The following ESF1 variants were observed in gnomAD, a reference collection of about 807,000 sequenced individuals.
ESF1 encodes ESF1 nucleolar pre-rRNA processing protein.
In ESF1, 58 loss-of-function variants were observed where a neutral mutation model predicts 92.0. The ratio of observed to expected loss-of-function variants is 0.63; its 90% CI spans 0.51 to 0.78. The LOEUF is 0.78. Among genes scored for constraint, ESF1 ranks in the 30% least tolerant of loss-of-function variants. The pLI is 0.00. For missense variants in ESF1, 922 were observed against 989.1 expected (o/e 0.93, Z 0.91); for synonymous variants, 321 against 313.7 (o/e 1.02, Z -0.24).
chr20:13,752,529 T>A lies in ESF1; in HGVS notation c.1828+7163A>T, dbSNP rs868813977. Among the ~76,000 whole-genome samples the A allele has an allele frequency of 2.0e-5, 3 of 152,342 alleles. No homozygotes were observed. In the South Asian group the frequency reaches 6.2e-4, roughly 32 times the overall value. Reference sequence around the variant, plus strand: ...GAATATATTTCAAATAATGAGCACATTGGCAATAAATGAAAATGGAGCCAA... The same window carrying A: ...GAATATATTTCAAATAATGAGCACAATGGCAATAAATGAAAATGGAGCCAA... On this transcript the variant is annotated intron_variant, in intron 9 of 13. Transcript: ENST00000617257.
At chr20:13,746,897 A>G (rs1057215789) in intron 9 of ESF1, among the ~76,000 whole-genome samples, 1 of 152,222 alleles carries the variant, frequency 6.6e-6, no homozygotes, top group African/African-American at 2.4e-5. Flanking sequence ...ATATAAGTTA[A>G]CCATAATTCC....
intron 8 of ESF1, among the ~76,000 whole-genome samples, chr20:13,763,101 T>A (rs1392606884): frequency 6.6e-6 from 1 of 152,186 alleles, no homozygotes; most frequent in Non-Finnish European, 1.5e-5. Context: ...GACCTCATGA[T>A]CTGCCTGCCT....
chr20:13,731,274 A>G (rs547506837), intron 10 of ESF1, among the ~76,000 whole-genome samples: 18 of 152,152 alleles, frequency 1.2e-4, no homozygotes. Flanking sequence ...CATTTATAAG[A>G]TATTTTACTC....
chr20:13,749,726 T>C (rs1018735894), intron 9 of ESF1, among the ~76,000 whole-genome samples: 1 of 151,754 alleles, frequency 6.6e-6, no homozygotes, highest in African/African-American at 2.4e-5. Flanking sequence ...CCACCATGCC[T>C]GGCTAATTTT....
intron 11 of ESF1, among the ~76,000 whole-genome samples, chr20:13,725,070 T>C (rs1290273386): frequency 2.6e-5 from 4 of 152,162 alleles, no homozygotes; most frequent in Non-Finnish European, 5.9e-5. Flanking sequence ...TCCTTAAAAT[T>C]GACAATTAAT....
intron 8 of ESF1, among the ~76,000 whole-genome samples, chr20:13,761,395 A>T (rs1160789130): frequency 6.8e-6 from 1 of 146,938 alleles, no homozygotes; most frequent in Non-Finnish European, 1.5e-5. Flanking sequence ...AAATAAATAA[A>T]ATAAAAATAC....
intron 11 of ESF1, among the ~76,000 whole-genome samples, chr20:13,724,782 G>A (rs186319680): frequency 6.6e-6 from 1 of 152,270 alleles, no homozygotes; most frequent in Admixed American, 6.5e-5. Context: ...AAAGTCATAT[G>A]GGAGGACTGG....
chr20:13,761,196 A>G (rs988084320), intron 8 of ESF1, among the ~76,000 whole-genome samples: 6 of 152,104 alleles, frequency 3.9e-5, no homozygotes, highest in African/African-American at 1.2e-4. Flanking sequence ...GCTCATTAAG[A>G]GTCATCACCA....
chr20:13,762,229 T>TA (rs1186556727), intron 8 of ESF1, among the ~76,000 whole-genome samples: 1 of 152,174 alleles, frequency 6.6e-6, no homozygotes, highest in Non-Finnish European at 1.5e-5. Context: ...TTAAAATAAA[T>TA]AAAAAATGGT....
At position 13,748,519 on chromosome 20, in the gene ESF1, CAT is replaced by C. The variant is rs201176775; in HGVS notation, c.1828+11171_1828+11172del. Among the ~76,000 whole-genome samples the C allele has an allele frequency of 4.4e-3, 596 of 134,504 alleles. 9 individuals are homozygous for C. Among genetic ancestry groups the C allele is most frequent in the African/African-American group, 0.015 (518 of 35,448 alleles). The allele number at this position is 134,504 out of a possible 152,430, so 88.2% of individuals were successfully genotyped here. A position where few individuals can be genotyped will look rare whatever the true frequency, so the allele number is the denominator to read the frequency against. On this transcript the variant is annotated intron_variant, in intron 9 of 13. Coordinates refer to ENST00000617257, the MANE Select transcript of ESF1 (RefSeq NM_001276380.2). ...ATACATATATACACATATATATACA[CAT>C]ATATATATACACATATATATGTGTG...
chr20:13,717,107 A>G (rs6105153), intron 13 of ESF1, among the ~76,000 whole-genome samples: 1,800 of 151,766 alleles, frequency 0.012, 20 homozygotes, highest in South Asian at 0.024. Flanking sequence ...ATGAGCCACC[A>G]CGCCCAGCCA....
At chr20:13,761,505 T>A (rs964822011) in intron 8 of ESF1, among the ~76,000 whole-genome samples, 20 of 152,184 alleles carry the variant, frequency 1.3e-4, no homozygotes, top group African/African-American at 4.8e-4. Context: ...TGAATAAATG[T>A]AGGCTGAATA....
chr20:13,740,390 T>C (rs1484631262), intron 9 of ESF1, among the ~76,000 whole-genome samples: 1 of 151,152 alleles, frequency 6.6e-6, no homozygotes, highest in Non-Finnish European at 1.5e-5. Context: ...AGGATAAGAC[T>C]AGAAAAAAAA....
Position 13,771,320 on chromosome 20 carries a change from C to T in ESF1, c.1403+11G>A, listed in dbSNP as rs1416887375. ...TAAAAGATTAAATTGGTAATACATA[C>T]ACTGGATTACCTTAGATCTATGAAA... On this transcript the variant is annotated intron_variant, in intron 6 of 13. Transcript: ENST00000617257. The T allele has an allele frequency of 6.2e-7, 1 of 1,604,494 alleles. No homozygotes were observed. Among genetic ancestry groups the T allele is most frequent in the African/African-American group, 1.3e-5 (1 of 74,758 alleles).
At position 13,717,428 on chromosome 20, in the gene ESF1, C is replaced by T. The variant is rs750415607; in HGVS notation, c.2202G>A (p.Leu734=). 1.2e-6 allele frequency: 2 copies of T among 1,614,080 alleles called. No homozygotes were observed. Among genetic ancestry groups the T allele is most frequent in the Non-Finnish European group, 1.7e-6 (2 of 1,180,008 alleles). ...NYNKIVEHQN[L]SKKKKKQLMK... Reference sequence around the variant, plus strand: ...TGAGCTGCTTTTTCTTCTTTTTGCTCAGATTCTGGTGCTCCACAATCTTGT... The same window carrying T: ...TGAGCTGCTTTTTCTTCTTTTTGCTTAGATTCTGGTGCTCCACAATCTTGT... Residue 734 remains leucine, a synonymous_variant, in exon 13 of 14, where the codon CTG becomes CTA. Coordinates refer to ENST00000617257, the MANE Select transcript of ESF1 (RefSeq NM_001276380.2).
In ESF1 at chr20:13,784,876, T is replaced by C. The variant is rs980122715; in HGVS notation, c.-44+4A>G. 1.6e-6 allele frequency: 1 copy of C among 606,546 alleles called. No individual in the cohort carries two copies. Among genetic ancestry groups the C allele is most frequent in the African/African-American group, 1.8e-5 (1 of 54,064 alleles). The allele number at this position is 606,546 out of a possible 1,614,324, so 37.6% of individuals were successfully genotyped here. On this transcript the variant is annotated splice_donor_region_variant and intron_variant, in intron 1 of 13. Coordinates refer to ENST00000617257, the MANE Select transcript of ESF1 (RefSeq NM_001276380.2). ...CTCTTCAACTCCAGTCCATCCCCACTCACCGTCCGCAGTCCTACCAAGCCT... is the reference window on the plus strand; with the variant it reads ...CTCTTCAACTCCAGTCCATCCCCACCCACCGTCCGCAGTCCTACCAAGCCT...
intron 12 of ESF1, among the ~76,000 whole-genome samples, chr20:13,718,276 G>A (rs1309583234): frequency 1.3e-5 from 2 of 152,110 alleles, no homozygotes; most frequent in Non-Finnish European, 2.9e-5. Context: ...TTGCTCTTTA[G>A]ATAACTTTAT....
intron 11 of ESF1, among the ~76,000 whole-genome samples, chr20:13,728,149 A>G (rs56024260): frequency 0.14 from 21,417 of 152,172 alleles, 1,646 homozygotes; most frequent in African/African-American, 0.19. Flanking sequence ...TATTAACCAC[A>G]TTATCAAAAG....
chr20:13,753,131 C>A (rs1439820769), intron 9 of ESF1, among the ~76,000 whole-genome samples: 1 of 152,086 alleles, frequency 6.6e-6, no homozygotes, highest in African/African-American at 2.4e-5. Context: ...CTTAAATCTG[C>A]CACCACATGA....
Sources: allele counts gnomAD v4.1 joint callset (sites outside exome capture counted in the v4.1 genomes callset), GRCh38; gene constraint gnomAD v4.1.1; transcripts MANE v1.5; gene names NCBI Gene and HGNC (gene_info 2026-07-23, HGNC 2026-07-21).